The following CTNNA2 variants were observed in gnomAD, a reference collection of about 807,000 sequenced individuals.
CTNNA2 encodes catenin alpha-2.
Under a neutral mutation model 101.0 loss-of-function variants are expected in CTNNA2, and 42 were observed. The ratio of observed to expected loss-of-function variants is 0.42; its 90% CI spans 0.32 to 0.54. The LOEUF is 0.54. CTNNA2 is among the 20% of genes least tolerant of loss of function. The probability of loss-of-function intolerance (pLI) is 0.14; values close to 1 mark genes in which losing one functional copy is unlikely to be tolerated. For synonymous variants in CTNNA2, 450 were observed against 456.4 expected, an observed-to-expected ratio of 0.99 and a Z score of 0.18; for missense variants, 871 against 1,223.1, an observed-to-expected ratio of 0.71 and a Z score of 4.29.
chr2:79,422,836 G>A (rs537823212), intron 4 of CTNNA2, among the ~76,000 whole-genome samples: 76 of 152,264 alleles, frequency 5.0e-4, no homozygotes, highest in Non-Finnish European at 4.0e-4. Context: ...AGATAAATCC[G>A]CAGAATTTAA....
chr2:79,445,393 TGTTGAACCTCCCATA>T (rs1399386565), intron 4 of CTNNA2, among the ~76,000 whole-genome samples: 1 of 152,188 alleles, frequency 6.6e-6, no homozygotes, highest in Non-Finnish European at 1.5e-5. Flanking sequence ...TAGGGCCAGA[TGTTGAACCTCCCATA>T]GTTTCTTCTC....
At chr2:80,022,637 G>A (rs557675548) in intron 7 of CTNNA2, among the ~76,000 whole-genome samples, 52 of 152,136 alleles carry the variant, frequency 3.4e-4, no homozygotes, top group South Asian at 2.1e-3. Flanking sequence ...ATGAACTAAC[G>A]GAAGAGACAT....
At chr2:79,741,859 T>C (rs1671308179) in intron 2 of CTNNA2, among the ~76,000 whole-genome samples, 1 of 152,224 alleles carries the variant, frequency 6.6e-6, no homozygotes, top group Non-Finnish European at 1.5e-5. Context: ...TAATAGTTTG[T>C]CCTCCAATAA....
intron 7 of CTNNA2, among the ~76,000 whole-genome samples, chr2:80,055,051 AG>A (rs1697129704): frequency 6.6e-6 from 1 of 152,026 alleles, no homozygotes; most frequent in African/African-American, 2.4e-5. Flanking sequence ...TTTCGAGACA[AG>A]GTCTCACTCT....
intron 7 of CTNNA2, among the ~76,000 whole-genome samples, chr2:80,015,478 A>G (rs972329811): frequency 6.6e-6 from 1 of 152,100 alleles, no homozygotes; most frequent in Admixed American, 6.6e-5. Flanking sequence ...TGGGGTACTT[A>G]CTGTCTCCAA....
At chr2:80,442,218 G>T (rs1682654663) in intron 9 of CTNNA2, among the ~76,000 whole-genome samples, 1 of 152,160 alleles carries the variant, frequency 6.6e-6, no homozygotes, top group South Asian at 2.1e-4. Context: ...CCCTTTTGAG[G>T]CAGTATGGTG....
At chr2:80,385,093 C>T (rs980043335) in intron 7 of CTNNA2, among the ~76,000 whole-genome samples, 1 of 151,928 alleles carries the variant, frequency 6.6e-6, no homozygotes, top group African/African-American at 2.4e-5. Flanking sequence ...ACTCCAGGTT[C>T]TATATAATGA....
intron 7 of CTNNA2, among the ~76,000 whole-genome samples, chr2:80,180,002 C>T (rs1453722783): frequency 6.6e-6 from 1 of 152,158 alleles, no homozygotes; most frequent in Non-Finnish European, 1.5e-5. Flanking sequence ...ACATAAGACC[C>T]CACTTTAATT....
At chr2:80,548,950 A>C (rs753088516) in intron 11 of CTNNA2, among the ~76,000 whole-genome samples, 32 of 152,326 alleles carry the variant, frequency 2.1e-4, no homozygotes, top group Non-Finnish European at 4.3e-4. Context: ...TATTTAAAAA[A>C]CAATAAAAAC....
chr2:80,280,223 G>C (rs991457963), intron 7 of CTNNA2, among the ~76,000 whole-genome samples: 7 of 148,480 alleles, frequency 4.7e-5, no homozygotes, highest in Admixed American at 1.3e-4. Context: ...TCCAGGATTT[G>C]AGCAATGAGA....
intron 7 of CTNNA2, among the ~76,000 whole-genome samples, chr2:80,346,132 A>T (rs773008478): frequency 5.9e-5 from 9 of 152,250 alleles, no homozygotes; most frequent in Non-Finnish European, 1.3e-4. Context: ...TTTCGCTAGC[A>T]TAATTTTACA....
chr2:80,580,437 C>T (rs1479268163), intron 13 of CTNNA2, among the ~76,000 whole-genome samples: 2 of 152,114 alleles, frequency 1.3e-5, no homozygotes, highest in African/African-American at 2.4e-5. Context: ...TAAACTACAA[C>T]AAAAACTAAT....
intron 7 of CTNNA2, among the ~76,000 whole-genome samples, chr2:80,209,566 C>CA (rs770490294): frequency 2.4e-4 from 36 of 151,974 alleles, no homozygotes; most frequent in Non-Finnish European, 4.0e-4. Flanking sequence ...CTCTTATGAA[C>CA]ATTTTTGTCA....
At chr2:79,308,509 A>G (rs55679053) in intron 2 of CTNNA2, among the ~76,000 whole-genome samples, 10,515 of 152,240 alleles carry the variant, frequency 0.069, 488 homozygotes, top group East Asian at 0.13. Flanking sequence ...TTAGCTTGAT[A>G]TATTCCCATT....
chr2:80,419,306 T>C (rs907021418), intron 8 of CTNNA2, 143 bp from the exon 9 acceptor site: 3 of 619,026 alleles, frequency 4.8e-6, no homozygotes, highest in South Asian at 2.1e-5. Flanking sequence ...CCTTTAATAA[T>C]GTAAGCACTG....
chr2:80,373,121 G>A (rs528970891), intron 7 of CTNNA2, among the ~76,000 whole-genome samples: 2 of 152,160 alleles, frequency 1.3e-5, no homozygotes, highest in East Asian at 3.9e-4. Flanking sequence ...GTTAATTAGT[G>A]GAGTGGAAGA....
At chr2:80,111,526 A>G (rs1444842309) in intron 7 of CTNNA2, among the ~76,000 whole-genome samples, 1 of 152,130 alleles carries the variant, frequency 6.6e-6, no homozygotes, top group Non-Finnish European at 1.5e-5. Flanking sequence ...GAAGGGCTTG[A>G]TGTTGAGGTA....
At chr2:80,071,786 G>C (rs894129743) in intron 7 of CTNNA2, among the ~76,000 whole-genome samples, 1 of 152,168 alleles carries the variant, frequency 6.6e-6, no homozygotes, top group Admixed American at 6.5e-5. Flanking sequence ...AGGGGTTGGA[G>C]AATGGTTGTT....
chr2:80,540,307 T>C (rs1443832121), intron 9 of CTNNA2, among the ~76,000 whole-genome samples: 1 of 152,244 alleles, frequency 6.6e-6, no homozygotes, highest in Admixed American at 6.5e-5. Context: ...AAATCAATTA[T>C]CAGATACTGG....
Sources: gnomAD v4.1 joint callset for allele counts (sites outside exome capture counted in the v4.1 genomes callset) on GRCh38, gnomAD v4.1.1 for gene constraint, MANE v1.5 for transcripts, NCBI Gene and HGNC (gene_info 2026-07-23, HGNC 2026-07-21) for gene names.